SLC30A8: variants seen among roughly 807,000 people sequenced by gnomAD.
SLC30A8 encodes solute carrier family 30 member 8.
A neutral mutation model predicts 36.9 loss-of-function variants in SLC30A8; 27 were observed. The observed-to-expected ratio is 0.73, with a 90% CI of 0.54 to 1.01. The LOEUF is 1.01. Ranked by LOEUF, SLC30A8 falls within the 50% of genes least tolerant of loss-of-function variation. The pLI, the probability that SLC30A8 is intolerant of heterozygous loss-of-function variation, is 0.00. For synonymous variants in SLC30A8, 164 were observed against 172.4 expected, an observed-to-expected ratio of 0.95 and a Z score of 0.38; for missense variants, 439 against 452.0, an observed-to-expected ratio of 0.97 and a Z score of 0.26.
chr8:116,969,134 G>A lies in SLC30A8; in HGVS notation c.-266+18015G>A, dbSNP rs373370422. On this transcript the variant is annotated intron_variant, in intron 1 of 10. Transcript: ENST00000427715. ...CCAGTGTTACTTGCTGTAAGAACTC[G>A]GGGCTTGACATGGTGGCTCAGGCCT... Among the ~76,000 whole-genome samples, 44 of 152,206 alleles carry A rather than the reference G, an allele frequency of 2.9e-4. No individual in the cohort carries two copies. In the South Asian group the frequency reaches 4.6e-3, roughly 16 times the overall value.
At chr8:116,977,141 CTTT>C (rs71305451) in intron 1 of SLC30A8, among the ~76,000 whole-genome samples, 5 of 59,108 alleles carry the variant, frequency 8.5e-5, no homozygotes, top group African/African-American at 1.5e-4. Flanking sequence ...CTTTTTCTTG[CTTT>C]TTTTTTTTTT....
chr8:117,172,492 C>T (rs373218804), intron 7 of SLC30A8, 44 bp from the exon 8 acceptor site: 105 of 1,612,744 alleles, frequency 6.5e-5, no homozygotes, highest in Middle Eastern at 3.4e-4. Flanking sequence ...GTCGCCCATG[C>T]GTGTGCAATC....
intron 2 of SLC30A8, among the ~76,000 whole-genome samples, chr8:117,104,893 G>A (rs1167276933): frequency 1.3e-5 from 2 of 152,036 alleles, no homozygotes; most frequent in Admixed American, 6.6e-5. Flanking sequence ...TCCCCTTTTC[G>A]GCCATATAGG....
intron 1 of SLC30A8, among the ~76,000 whole-genome samples, chr8:117,012,139 T>C (rs1003446249): frequency 7.9e-5 from 12 of 152,184 alleles, no homozygotes; most frequent in African/African-American, 2.7e-4. Flanking sequence ...AAAACTCATT[T>C]TGTATTTAGC....
chr8:116,987,109 C>T (rs1815470920), intron 1 of SLC30A8, among the ~76,000 whole-genome samples: 1 of 151,914 alleles, frequency 6.6e-6, no homozygotes, highest in Admixed American at 6.6e-5. Flanking sequence ...ATAAATATTG[C>T]CCAAGTCAGG....
upstream of SLC30A8, among the ~76,000 whole-genome samples, chr8:117,133,610 C>T (rs2130928711): frequency 1.3e-5 from 2 of 152,044 alleles, no homozygotes; most frequent in East Asian, 3.9e-4. Flanking sequence ...GTAGTTTCCT[C>T]ATTTTCTGAC....
intron 1 of SLC30A8, among the ~76,000 whole-genome samples, chr8:116,963,828 C>T (rs1814512744): frequency 6.6e-6 from 1 of 152,182 alleles, no homozygotes. Context: ...TATTAAGGCA[C>T]TACCAAATTG....
chr8:117,016,696 C>T (rs1175703231), intron 1 of SLC30A8, among the ~76,000 whole-genome samples: 1 of 152,048 alleles, frequency 6.6e-6, no homozygotes, highest in African/African-American at 2.4e-5. Context: ...GATGAATATA[C>T]AAGGAGAGAG....
At chr8:117,169,177 C>T (rs542750617) in intron 6 of SLC30A8, among the ~76,000 whole-genome samples, 122 of 152,196 alleles carry the variant, frequency 8.0e-4, no homozygotes, top group Admixed American at 1.6e-3. Context: ...AGCATGATAA[C>T]CAGCTCTTTG....
Position 117,163,411 on chromosome 8 carries a change from G to GTTTT in SLC30A8, c.724-8_724-5dup. On this transcript the variant is annotated splice_polypyrimidine_tract_variant and intron_variant, in intron 5 of 7. Transcript: ENST00000456015. ...ATGAATTCAGTTAACCAAAATCCCTGTTTTTTTTTCTAGCCAGAGTATAAA... is the reference window on the plus strand; with the variant it reads ...ATGAATTCAGTTAACCAAAATCCCTGTTTTTTTTTTTTTCTAGCCAGAGTATAAA... 1 of 1,539,522 alleles carries GTTTT rather than the reference G, an allele frequency of 6.5e-7. No homozygotes were observed.
intron 2 of SLC30A8, among the ~76,000 whole-genome samples, chr8:117,095,034 T>C (rs1819298132): frequency 6.6e-6 from 1 of 152,158 alleles, no homozygotes; most frequent in African/African-American, 2.4e-5. Flanking sequence ...GGAGCAGATA[T>C]CTCTGAGCCT....
intron 2 of SLC30A8, among the ~76,000 whole-genome samples, chr8:117,113,298 TAC>T (rs1317017206): frequency 6.6e-6 from 1 of 152,176 alleles, no homozygotes; most frequent in African/African-American, 2.4e-5. Context: ...GACTGACTGA[TAC>T]TGGTTGCCAG....
intron 2 of SLC30A8, among the ~76,000 whole-genome samples, chr8:117,085,366 T>C (rs1411806672): frequency 6.6e-6 from 1 of 152,184 alleles, no homozygotes; most frequent in Non-Finnish European, 1.5e-5. Flanking sequence ...TTATACCCAT[T>C]GGTCTCTCTA....
At chr8:116,979,261 A>G (rs2130638740) in intron 1 of SLC30A8, among the ~76,000 whole-genome samples, 1 of 151,620 alleles carries the variant, frequency 6.6e-6, no homozygotes, top group Admixed American at 6.6e-5. Context: ...AAAAAAAAAA[A>G]AAAGAAAACA....
At position 117,176,688 on chromosome 8, in the gene SLC30A8, G is replaced by A. The variant is rs1484500643; in HGVS notation, c.*4007G>A. ...CTATTTTAAAATGTTAATGTGTGTT[G>A]TTTAAAATAAAATCAAGAAAGAGAG... On this transcript the variant is annotated 3_prime_UTR_variant, in exon 8 of 8. Coordinates refer to ENST00000456015, the MANE Select transcript of SLC30A8 (RefSeq NM_173851.3). 1 of 152,502 alleles carries A rather than the reference G, an allele frequency of 6.6e-6. No individual in the cohort carries two copies. The highest frequency in any genetic ancestry group is 6.6e-5 in the Admixed American group (1 of 15,242). 9.4% of individuals were successfully genotyped at this position (152,502 alleles called of 1,614,324 possible). A position where few individuals can be genotyped will look rare whatever the true frequency, so the allele number is the denominator to read the frequency against.
At chr8:117,123,755 C>T (rs1450230972) in intron 2 of SLC30A8, among the ~76,000 whole-genome samples, 1 of 151,916 alleles carries the variant, frequency 6.6e-6, no homozygotes, top group African/African-American at 2.4e-5. Flanking sequence ...ATATGTCATT[C>T]TTAATGTACT....
At chr8:117,051,773 A>G (rs1817717492) in intron 2 of SLC30A8, among the ~76,000 whole-genome samples, 1 of 152,018 alleles carries the variant, frequency 6.6e-6, no homozygotes, top group South Asian at 2.1e-4. Flanking sequence ...AGATCGTGCC[A>G]CTGCACTCCA....
intron 1 of SLC30A8, among the ~76,000 whole-genome samples, chr8:116,969,592 G>C (rs1025399348): frequency 1.3e-5 from 2 of 152,122 alleles, no homozygotes; most frequent in East Asian, 3.8e-4. Context: ...ACCTCATAGG[G>C]TGTACTTACA....
intron 1 of SLC30A8, among the ~76,000 whole-genome samples, chr8:117,018,490 A>G (rs1337892663): frequency 3.3e-5 from 5 of 152,132 alleles, no homozygotes; most frequent in Non-Finnish European, 7.3e-5. Flanking sequence ...CTCAGCAGCC[A>G]CAGGGGGTTG....
Sources: allele counts gnomAD v4.1 joint callset (sites outside exome capture counted in the v4.1 genomes callset), GRCh38; gene constraint gnomAD v4.1.1; transcripts MANE v1.5; gene names NCBI Gene and HGNC (gene_info 2026-07-23, HGNC 2026-07-21).